CLCNKA: variants seen among roughly 807,000 people sequenced by gnomAD.
CLCNKA encodes the protein chloride voltage-gated channel Ka, also known as chloride channel protein ClC-Ka.
In CLCNKA, 66 loss-of-function variants were observed where a neutral mutation model predicts 83.3. The observed-to-expected ratio is 0.79, with a 90% CI of 0.65 to 0.97. CLCNKA has a LOEUF of 0.97. Ranked by LOEUF, CLCNKA falls within the 50% of genes least tolerant of loss-of-function variation. The pLI, the probability that CLCNKA is intolerant of heterozygous loss-of-function variation, is 0.00. For synonymous variants in CLCNKA, 357 were observed against 370.4 expected (o/e 0.96, Z 0.42); for missense variants, 806 against 888.7 (o/e 0.91, Z 1.18).
chr1:16,031,812 C>T lies in CLCNKA; in HGVS notation c.1725C>T (p.Asp575=), dbSNP rs141036277. The change falls in exon 16 of 20, where the codon GAC becomes GAT. Residue 575 remains aspartate (D), a synonymous_variant. Coordinates refer to ENST00000331433, the MANE Select transcript of CLCNKA (RefSeq NM_004070.4). Reference sequence around the variant, plus strand: ...TGGTCAAGGTTGTGACCTCCACAGACGTGACCGAGTATCCCCTGGTGGAGA... The same window carrying T: ...TGGTCAAGGTTGTGACCTCCACAGATGTGACCGAGTATCCCCTGGTGGAGA... The part of the protein sequence containing the change: ...EEVVKVVTST[D]VTEYPLVEST... 176 of 1,613,928 alleles carry T rather than the reference C, an allele frequency of 1.1e-4. No homozygotes were observed. The African/African-American group carries it at 1.2e-3, about 11-fold the overall frequency.
rs765083898 is a variant in CLCNKA, at chr1:16,022,659, G to T, written c.40G>T (p.Asp14Tyr). The T allele has an allele frequency of 5.1e-6, 8 of 1,568,074 alleles. No individual in the cohort carries two copies. The South Asian group carries it at 7.1e-5, about 14-fold the overall frequency. Residue 14 changes from aspartate (D) to tyrosine (Y), a missense_variant, in exon 2 of 20, where the codon GAC (aspartate) becomes TAC (tyrosine). Physicochemically the swap from Asp to Tyr is radical, Grantham distance 160. Transcript: ENST00000331433. ...GGGGCTGCGTGAGGGCTTCTCAGGG[G>T]ACCCTGTGACTCTGCAGGAGCTGTG... ...LVGLREGFSGDPVTLQELWGP... is the reference protein window; with the variant it reads ...LVGLREGFSGYPVTLQELWGP...
rs993332576 is a variant in CLCNKA at position 16,028,497 on chromosome 1, G to T, written c.969-264G>T. On this transcript the variant is annotated intron_variant, in intron 10 of 19. Transcript: ENST00000331433. Reference sequence around the variant, plus strand: ...CCGGCCCACTGTCTCCTCCCTCCTAGCCTGCCTCTGCCCCAATTCTCCTCT... The same window carrying T: ...CCGGCCCACTGTCTCCTCCCTCCTATCCTGCCTCTGCCCCAATTCTCCTCT... 6 of 644,280 alleles carry T rather than the reference G, an allele frequency of 9.3e-6. No homozygotes were observed. The African/African-American group carries it at 1.1e-4, about 11-fold the overall frequency. The allele number at this position is 644,280 out of a possible 1,614,324, so 39.9% of individuals were successfully genotyped here.
rs765524557 is a variant in CLCNKA, at chr1:16,026,691, C to G, written c.577-6C>G. 6.2e-7 allele frequency: 1 copy of G among 1,613,534 alleles called. No individual in the cohort carries two copies. Among genetic ancestry groups the G allele is most frequent in the African/African-American group, 1.3e-5 (1 of 74,890 alleles). On this transcript the variant is annotated splice_polypyrimidine_tract_variant and splice_region_variant and intron_variant, in intron 6 of 19. Coordinates refer to ENST00000331433, the MANE Select transcript of CLCNKA (RefSeq NM_004070.4). The stretch of plus-strand genomic sequence containing the variant: ...TGACTCTGAGCCCTGGACTCGGATC[C>G]CCCAGAACAAGAGCAAGCAAAACGA...
Position 16,026,769 on chromosome 1 carries a change from T to A in CLCNKA, c.649T>A (p.Phe217Ile). ...CGTGGCCACAGTCTTTGCAGCTCCC[T>A]TCAGCGGTGAGACCCCCCTCATGCC... Reference protein sequence around the residue: ...VGVATVFAAPFSGVLFSIEVM... With the variant: ...VGVATVFAAPISGVLFSIEVM... The change falls in exon 7 of 20, where the codon TTC becomes ATC. Residue 217 changes from phenylalanine to isoleucine, a missense_variant. Transcript: ENST00000331433. The A allele has an allele frequency of 6.2e-7, 1 of 1,604,574 alleles. No individual in the cohort carries two copies. Among genetic ancestry groups the A allele is most frequent in the Non-Finnish European group, 8.5e-7 (1 of 1,171,494 alleles).
At chr1:16,022,454 C>T (rs1557446521) in intron 1 of CLCNKA, among the ~76,000 whole-genome samples, 159 bp from the exon 2 acceptor site, 1 of 152,182 alleles carries the variant, frequency 6.6e-6, no homozygotes, top group Admixed American at 6.5e-5. Context: ...GTGACGGAAC[C>T]TCAGGGATGA....
In CLCNKA at chr1:16,032,307, G is replaced by C; in HGVS notation, c.1845+16G>C. On this transcript the variant is annotated intron_variant, in intron 17 of 19. Coordinates refer to ENST00000331433, the MANE Select transcript of CLCNKA (RefSeq NM_004070.4). Reference sequence around the variant, plus strand: ...AGGACACCAGGTGGTTACTCCTGAGGGGCGTGGGGATGGGGCGGGGGTGGG... The same window carrying C: ...AGGACACCAGGTGGTTACTCCTGAGCGGCGTGGGGATGGGGCGGGGGTGGG... The C allele has an allele frequency of 6.3e-7, 1 of 1,587,620 alleles. No individual in the cohort carries two copies. The highest frequency in any genetic ancestry group is 8.6e-7 in the Non-Finnish European group (1 of 1,157,826).
At chr1:16,022,337 A>G (rs2022163550) in intron 1 of CLCNKA, among the ~76,000 whole-genome samples, 1 of 152,006 alleles carries the variant, frequency 6.6e-6, no homozygotes, top group African/African-American at 2.4e-5. Flanking sequence ...GCACCAAGCG[A>G]CCCAGGAGGG....
rs142011722 is a variant in CLCNKA at position 16,031,773 on chromosome 1, G to A, written c.1686G>A (p.Thr562=). Residue 562 remains threonine (T), a synonymous_variant, in exon 16 of 20, where the codon ACG becomes ACA. Transcript: ENST00000331433. The part of the protein sequence containing the change: ...NHSITTLAKD[T]PLEEVVKVVT... Reference sequence around the variant, plus strand: ...GCATCACCACACTGGCCAAGGACACGCCGCTGGAGGAGGTGGTCAAGGTTG... The same window carrying A: ...GCATCACCACACTGGCCAAGGACACACCGCTGGAGGAGGTGGTCAAGGTTG... 1.9e-4 allele frequency: 305 copies of A among 1,613,864 alleles called. No homozygotes were observed. Among genetic ancestry groups the A allele is most frequent in the Middle Eastern group, 6.6e-4 (4 of 6,084 alleles).
intron 18 of CLCNKA, among the ~76,000 whole-genome samples, chr1:16,032,838 T>C (rs1354333785): frequency 1.3e-5 from 2 of 152,226 alleles, no homozygotes; most frequent in African/African-American, 2.4e-5. Flanking sequence ...TGTGTGATCT[T>C]GGACAAATTA....
At chr1:16,029,620 C>G in intron 12 of CLCNKA, 111 bp from the exon 13 acceptor site, 7 of 1,399,800 alleles carry the variant, frequency 5.0e-6, no homozygotes, top group Non-Finnish European at 7.1e-6. Flanking sequence ...GGGTGCATGG[C>G]TGGCACCCTC....
chr1:16,033,060 C>G, intron 18 of CLCNKA, 110 bp from the exon 19 acceptor site: 1 of 1,165,546 alleles, frequency 8.6e-7, no homozygotes, highest in South Asian at 1.2e-5. Flanking sequence ...TTGCCTCCCA[C>G]ACATATCAGG....
At position 16,024,788 on chromosome 1, in the gene CLCNKA, T is replaced by A. The variant is rs779320092; in HGVS notation, c.255T>A (p.Ile85=). The change falls in exon 4 of 20, where the codon ATT becomes ATA. Residue 85 remains isoleucine (I), a synonymous_variant. Coordinates refer to ENST00000331433, the MANE Select transcript of CLCNKA (RefSeq NM_004070.4). ...VRAHQWLYRE[I]GDSHLLRYLS... is the part of the protein sequence containing the mutation. ...CACACCAGTGGCTGTACAGGGAGAT[T>A]GGGGACAGCCACCTGCTCCGGTATC... 1.9e-6 allele frequency: 3 copies of A among 1,613,964 alleles called. No homozygotes were observed. The African/African-American group carries it at 4.0e-5, about 22-fold the overall frequency.
intron 8 of CLCNKA, 117 bp downstream of exon 8, chr1:16,027,552 C>T (rs2022419582): frequency 1.3e-6 from 2 of 1,534,290 alleles, no homozygotes; most frequent in Non-Finnish European, 8.8e-7. Flanking sequence ...CCTCTTTTCC[C>T]TCCTCCGTGT....
Position 16,030,826 on chromosome 1 carries a change from A to G in CLCNKA, c.1622+152A>G, listed in dbSNP as rs901030979. 2.1e-5 allele frequency: 25 copies of G among 1,166,550 alleles called. No individual in the cohort carries two copies. In the Admixed American group the frequency reaches 4.6e-4, roughly 21 times the overall value. 72.3% of individuals were successfully genotyped at this position (1,166,550 alleles called of 1,614,324 possible). On this transcript the variant is annotated intron_variant, in intron 15 of 19. Transcript: ENST00000331433. ...GACACACAGCTGTGCTCTCATCTCC[A>G]CTCTCCCCAGTGCCCTGGGTGACCT... is the stretch of plus-strand genomic sequence containing the variant.
At chr1:16,024,913 C>G (rs1001042144) in intron 4 of CLCNKA, 22 bp downstream of exon 4, 32 of 1,613,760 alleles carry the variant, frequency 2.0e-5, no homozygotes, top group African/African-American at 2.7e-5. Context: ...GTCGCCATGC[C>G]AGTCCCCAGT....
chr1:16,033,781 A>C lies in CLCNKA; in HGVS notation c.*123A>C, dbSNP rs2022737716. On this transcript the variant is annotated 3_prime_UTR_variant, in exon 20 of 20. Coordinates refer to ENST00000331433, the MANE Select transcript of CLCNKA (RefSeq NM_004070.4). ...CTCCAGCCCAGCTCCATTCTTTGGCATAACAGGCAACTCTAACCTAGCCCA... is the reference window on the plus strand; with the variant it reads ...CTCCAGCCCAGCTCCATTCTTTGGCCTAACAGGCAACTCTAACCTAGCCCA... 15 of 983,552 alleles carry C rather than the reference A, an allele frequency of 1.5e-5. No individual in the cohort carries two copies. In the South Asian group the frequency reaches 2.0e-4, roughly 13 times the overall value. The allele number at this position is 983,552 out of a possible 1,614,324, so 60.9% of individuals were successfully genotyped here.
Position 16,032,511 on chromosome 1 carries a change from G to A in CLCNKA, c.1914G>A (p.Glu638=), listed in dbSNP as rs768394901. The change falls in exon 18 of 20, where the codon GAG becomes GAA. Residue 638 remains glutamate, a synonymous_variant. Coordinates refer to ENST00000331433, the MANE Select transcript of CLCNKA (RefSeq NM_004070.4). ...TEPVTLTLFS[E]TTLHQAQNLF... Reference sequence around the variant, plus strand: ...CAGTGACCCTGACGCTATTCTCAGAGACCACCTTGCACCAGGTAACAAGTA... The same window carrying A: ...CAGTGACCCTGACGCTATTCTCAGAAACCACCTTGCACCAGGTAACAAGTA... 1 of 1,613,032 alleles carries A rather than the reference G, an allele frequency of 6.2e-7. No homozygotes were observed.
At chr1:16,030,933 G>T (rs991276236) in intron 15 of CLCNKA, among the ~76,000 whole-genome samples, 1 of 152,200 alleles carries the variant, frequency 6.6e-6, no homozygotes, top group Non-Finnish European at 1.5e-5. Flanking sequence ...GTATTGCCCC[G>T]TGTACAGATT....
At position 16,027,925 on chromosome 1, in the gene CLCNKA, C is replaced by T; in HGVS notation, c.866+20C>T. The T allele has an allele frequency of 1.2e-6, 2 of 1,613,920 alleles. No homozygotes were observed. Among genetic ancestry groups the T allele is most frequent in the Middle Eastern group, 1.7e-4 (1 of 6,060 alleles). On this transcript the variant is annotated intron_variant, in intron 9 of 19. Transcript: ENST00000331433. ...GCTGGGGTGAGTGGGTGCCTTGGGC[C>T]CCTGAGAGTCCAAAAGGCATTCCCC...
Sources: allele counts gnomAD v4.1 joint callset (sites outside exome capture counted in the v4.1 genomes callset), GRCh38; gene constraint gnomAD v4.1.1; transcripts MANE v1.5; gene names NCBI Gene and HGNC (gene_info 2026-07-23, HGNC 2026-07-21).